TRIO: variants seen among roughly 807,000 people sequenced by gnomAD.
The protein encoded by TRIO is triple functional domain protein.
TRIO carries 58 observed loss-of-function variants against 351.9 expected under a neutral mutation model. The ratio of observed to expected loss-of-function variants is 0.16; its 90% CI spans 0.13 to 0.21. TRIO has a LOEUF of 0.21. Among genes scored for constraint, TRIO ranks in the 10% least tolerant of loss-of-function variants. The pLI is 1.00. For synonymous variants in TRIO, 1,758 were observed against 1,595.7 expected, an observed-to-expected ratio of 1.10 and a Z score of -2.42; for missense variants, 3,201 against 4,027.8, an observed-to-expected ratio of 0.79 and a Z score of 5.56.
intron 39 of TRIO, among the ~76,000 whole-genome samples, chr5:14,473,615 A>G (rs1400076242): frequency 6.6e-6 from 1 of 152,256 alleles, no homozygotes; most frequent in Non-Finnish European, 1.5e-5. Context: ...ATCCAAAAAG[A>G]AAAGAAAATC....
intron 34 of TRIO, among the ~76,000 whole-genome samples, chr5:14,440,290 T>C (rs1447664842): frequency 6.6e-6 from 1 of 152,182 alleles, no homozygotes; most frequent in Non-Finnish European, 1.5e-5. Flanking sequence ...AGGTGACTTT[T>C]CGTCAGACCA....
In TRIO at chr5:14,485,098, G is replaced by A. The variant is rs1157137426; in HGVS notation, c.6687G>A (p.Val2229=). The A allele has an allele frequency of 6.5e-7, 1 of 1,542,680 alleles. No homozygotes were observed. Among genetic ancestry groups the A allele is most frequent in the Admixed American group, 1.9e-5 (1 of 53,730 alleles). Residue 2229 remains valine (V), a synonymous_variant, in exon 47 of 57, where the codon GTG becomes GTA. Transcript: ENST00000344204. The part of the protein sequence containing the change: ...KVSCLCLEEN[V]ENDPCKFALT... ...GTTGCCTTTGCCTGGAGGAAAATGT[G>A]GAAAATGATCCCTGTAAATTTGCTC...
intron 9 of TRIO, among the ~76,000 whole-genome samples, chr5:14,328,036 A>G (rs1740547156): frequency 6.6e-6 from 1 of 152,268 alleles, no homozygotes; most frequent in Non-Finnish European, 1.5e-5. Context: ...TGTACTAAAT[A>G]CATGAGTTAA....
chr5:14,473,970 C>T (rs1754863302), intron 39 of TRIO, 24 bp from the exon 40 acceptor site: 1 of 1,595,898 alleles, frequency 6.3e-7, no homozygotes, highest in Non-Finnish European at 8.6e-7. Flanking sequence ...ATGAAATACA[C>T]TTATCATAAC....
intron 33 of TRIO, among the ~76,000 whole-genome samples, chr5:14,407,333 T>G (rs1399078062): frequency 6.6e-6 from 1 of 152,082 alleles, no homozygotes; most frequent in Non-Finnish European, 1.5e-5. Flanking sequence ...GAGGTGCGAG[T>G]GTCAGCAGGG....
At chr5:14,351,116 C>G (rs1159224600) in intron 11 of TRIO, among the ~76,000 whole-genome samples, 1 of 152,192 alleles carries the variant, frequency 6.6e-6, no homozygotes, top group African/African-American at 2.4e-5. Flanking sequence ...AGCCACAGAT[C>G]AGTACTGGTC....
At chr5:14,280,100 A>C (rs1473744614) in intron 2 of TRIO, among the ~76,000 whole-genome samples, 1 of 152,248 alleles carries the variant, frequency 6.6e-6, no homozygotes, top group East Asian at 1.9e-4. Context: ...AGACAAGGCC[A>C]TATGTAGTAC....
At chr5:14,478,519 A>G (rs937816290) in intron 41 of TRIO, among the ~76,000 whole-genome samples, 2 of 152,240 alleles carry the variant, frequency 1.3e-5, no homozygotes, top group East Asian at 3.9e-4. Flanking sequence ...GATTTATGGA[A>G]AGGCTCATTG....
At chr5:14,370,120 TTTC>T (rs1377867847) in intron 18 of TRIO, among the ~76,000 whole-genome samples, 1 of 151,060 alleles carries the variant, frequency 6.6e-6, no homozygotes, top group Non-Finnish European at 1.5e-5. Flanking sequence ...TCTTTCTTTC[TTTC>T]TTTTTTTTTT....
intron 36 of TRIO, among the ~76,000 whole-genome samples, chr5:14,463,975 G>C (rs553125250): frequency 6.6e-6 from 1 of 152,232 alleles, no homozygotes; most frequent in African/African-American, 2.4e-5. Context: ...ACACTGTAAG[G>C]GTGCTGTGGG....
intron 8 of TRIO, among the ~76,000 whole-genome samples, chr5:14,312,931 C>T (rs913087302): frequency 6.6e-6 from 1 of 152,310 alleles, no homozygotes; most frequent in South Asian, 2.1e-4. Flanking sequence ...ACTGTAATTA[C>T]AAAGACTAAG....
chr5:14,464,660 G>T (rs889713388), intron 36 of TRIO, among the ~76,000 whole-genome samples: 2 of 152,138 alleles, frequency 1.3e-5, no homozygotes, highest in Admixed American at 6.5e-5. Context: ...ACCCACACGT[G>T]TAAAAGCCTT....
chr5:14,488,941 A>G (rs750422201), intron 48 of TRIO: 2 of 763,874 alleles, frequency 2.6e-6, no homozygotes, highest in Non-Finnish European at 4.8e-6. Flanking sequence ...CCCATCACTC[A>G]TGCTGCCGTC....
chr5:14,452,246 C>T (rs912685540), intron 34 of TRIO, among the ~76,000 whole-genome samples: 4 of 152,256 alleles, frequency 2.6e-5, no homozygotes, highest in East Asian at 1.9e-4. Flanking sequence ...TCCTTAGATT[C>T]GTCGTCTCGC....
At chr5:14,504,724 C>A in intron 55 of TRIO, 131 bp downstream of exon 55, 2 of 1,155,896 alleles carry the variant, frequency 1.7e-6, no homozygotes, top group South Asian at 1.5e-5. Context: ...AAAACATCTT[C>A]ACTGTCAGAG....
intron 2 of TRIO, among the ~76,000 whole-genome samples, chr5:14,272,871 A>AT (rs1230552277): frequency 6.6e-6 from 1 of 152,250 alleles, no homozygotes; most frequent in Non-Finnish European, 1.5e-5. Context: ...GTTGTATTAC[A>AT]TTTTTTGAAA....
At position 14,399,007 on chromosome 5, in the gene TRIO, A is replaced by G; in HGVS notation, c.4551A>G (p.Val1517=). ...RHLFLFEMSL[V]FSKEVKDSSG... is the part of the protein sequence containing the mutation. ...TCTTCCTTTTTGAAATGTCCTTAGT[A>G]TTTAGTAAAGAAGTGAAAGATTCCA... The change falls in exon 30 of 57, where the codon GTA becomes GTG. Residue 1517 remains valine, a synonymous_variant. Transcript: ENST00000344204. 1.9e-6 allele frequency: 3 copies of G among 1,614,142 alleles called. No homozygotes were observed. The highest frequency in any genetic ancestry group is 2.5e-6 in the Non-Finnish European group (3 of 1,180,012).
chr5:14,477,648 C>T (rs547146207), intron 41 of TRIO, among the ~76,000 whole-genome samples: 54 of 152,266 alleles, frequency 3.5e-4, no homozygotes, highest in Non-Finnish European at 6.2e-4. Flanking sequence ...AGTTGCAATA[C>T]GGAATCTGAA....
Position 14,461,094 on chromosome 5 carries a change from C to T in TRIO, c.5279C>T (p.Ala1760Val), listed in dbSNP as rs1753760161. The stretch of plus-strand genomic sequence containing the variant: ...TCCCTCCAGCCCCACATGATCGGGG[C>T]CCAGAGCTCGCCGGGCCCCAAGCGG... ...VASLQPHMIG[A>V]QSSPGPKRPG... Residue 1760 changes from alanine to valine, a missense_variant, in exon 35 of 57, where the codon GCC becomes GTC. Around this residue, in one of 19 missense-constraint regions of TRIO, gnomAD observed 193 missense variants for 218.8 expected, o/e 0.88. Coordinates refer to ENST00000344204, the MANE Select transcript of TRIO (RefSeq NM_007118.4). 1 of 1,570,106 alleles carries T rather than the reference C, an allele frequency of 6.4e-7. No homozygotes were observed. Among genetic ancestry groups the T allele is most frequent in the Admixed American group, 1.8e-5 (1 of 54,536 alleles).
Sources: allele counts gnomAD v4.1 joint callset (sites outside exome capture counted in the v4.1 genomes callset), GRCh38; gene constraint gnomAD v4.1.1; regional missense constraint gnomAD v4.1.1; transcripts MANE v1.5; gene names NCBI Gene and HGNC (gene_info 2026-07-23, HGNC 2026-07-21).